Variants in CACNA1G observed in about 807,000 individuals in gnomAD.
CACNA1G encodes voltage-dependent T-type calcium channel subunit alpha-1G.
Under a neutral mutation model 219.4 loss-of-function variants are expected in CACNA1G, and 67 were observed. The ratio of observed to expected loss-of-function variants is 0.31; its 90% CI spans 0.25 to 0.37. The LOEUF is 0.37. CACNA1G is among the 10% of genes least tolerant of loss of function. The pLI, the probability that CACNA1G is intolerant of heterozygous loss-of-function variation, is 1.00. For synonymous variants in CACNA1G, 1,296 were observed against 1,345.3 expected, an observed-to-expected ratio of 0.96 and a Z score of 0.80; for missense variants, 2,380 against 3,231.4, an observed-to-expected ratio of 0.74 and a Z score of 6.39.
chr17:50,583,188 G>A (rs2042306257), intron 9 of CACNA1G, among the ~76,000 whole-genome samples: 1 of 152,218 alleles, frequency 6.6e-6, no homozygotes, highest in African/African-American at 2.4e-5. Context: ...TTGGTCTCCA[G>A]ATAGAGGAGC....
intron 20 of CACNA1G, 38 bp from the exon 21 acceptor site, chr17:50,602,977 G>A (rs375734570): frequency 6.1e-5 from 99 of 1,610,088 alleles, no homozygotes; most frequent in Admixed American, 2.8e-4. Flanking sequence ...TGGCTGCAGC[G>A]CAGGGAGGGC....
Position 50,591,992 on chromosome 17 carries a change from C to T in CACNA1G, c.2810C>T (p.Ser937Leu), listed in dbSNP as rs1250995341. The T allele has an allele frequency of 1.2e-6, 2 of 1,613,938 alleles. No individual in the cohort carries two copies. The highest frequency in any genetic ancestry group is 1.7e-6 in the Non-Finnish European group (2 of 1,179,816). ...CTCTACAATGGTATGGCCTCCACGT[C>T]GTCCTGGGCGGCCCTTTATTTCATT... ...KVLYNGMAST[S>L]SWAALYFIAL... Residue 937 changes from serine to leucine, a missense_variant, in exon 13 of 38, where the codon TCG becomes TTG. Physicochemically the swap from Ser to Leu is moderately radical, Grantham distance 145. Transcript: ENST00000359106.
chr17:50,599,939 G>T, intron 17 of CACNA1G, 80 bp downstream of exon 17: 5 of 1,382,282 alleles, frequency 3.6e-6, no homozygotes, highest in Non-Finnish European at 4.9e-6. Flanking sequence ...CAGGGTATAA[G>T]GGAGTTACCA....
chr17:50,595,573 C>T (rs2045374856), intron 14 of CACNA1G, among the ~76,000 whole-genome samples: 1 of 152,242 alleles, frequency 6.6e-6, no homozygotes, highest in Non-Finnish European at 1.5e-5. Context: ...TGGCTCTTGC[C>T]AAAATGTACC....
Position 50,624,548 on chromosome 17 carries a change from G to A in CACNA1G, c.6399+19G>A, listed in dbSNP as rs1351017075. ...GCGCCAGGTGAGCAGATGTGGAAAG[G>A]CAGGCACAGGCCTGGGGGCTGGACC... On this transcript the variant is annotated intron_variant, in intron 37 of 37. Transcript: ENST00000359106. 1 of 1,562,588 alleles carries A rather than the reference G, an allele frequency of 6.4e-7. No homozygotes were observed. Among genetic ancestry groups the A allele is most frequent in the East Asian group, 2.4e-5 (1 of 42,182 alleles).
chr17:50,590,701 A>G (rs2044110807), intron 10 of CACNA1G, 79 bp downstream of exon 10: 1 of 1,404,640 alleles, frequency 7.1e-7, no homozygotes, highest in Non-Finnish European at 9.8e-7. Context: ...CATGCCACCT[A>G]TTCCCCTGGG....
At chr17:50,615,633 G>T (rs1326030140) in intron 27 of CACNA1G, 121 bp downstream of exon 27, 3 of 1,062,704 alleles carry the variant, frequency 2.8e-6, no homozygotes, top group African/African-American at 3.2e-5. Context: ...CACACTACAT[G>T]GGTTCCTCTT....
rs201703549 is a variant in CACNA1G at position 50,565,389 on chromosome 17, G to GT, written c.243-3481_243-3480insT. 3.3e-3 allele frequency among the ~76,000 whole-genome samples: 476 copies of GT among 143,118 alleles called. 11 individuals are homozygous for GT. The highest frequency in any genetic ancestry group is 0.012 in the African/African-American group (463 of 40,028). 93.9% of individuals were successfully genotyped at this position (143,118 alleles called of 152,430 possible). On this transcript the variant is annotated intron_variant, in intron 1 of 37. Coordinates refer to ENST00000359106, the MANE Select transcript of CACNA1G (RefSeq NM_018896.5). ...GGAAATAGGCTTGTGGGGTGGGGCGGGGGGTTCTGCTGGGGGAATCCCCCT... is the reference window on the plus strand; with the variant it reads ...GGAAATAGGCTTGTGGGGTGGGGCGGTGGGGTTCTGCTGGGGGAATCCCCCT...
At chr17:50,565,553 A>G (rs2037567858) in intron 1 of CACNA1G, among the ~76,000 whole-genome samples, 1 of 152,154 alleles carries the variant, frequency 6.6e-6, no homozygotes. Context: ...CTAGAAGGCC[A>G]GGACTCCTGG....
rs1446793605 is a variant in CACNA1G, at chr17:50,618,708, G to A, written c.5481G>A (p.Ser1827=). The change falls in exon 33 of 38, where the codon TCG becomes TCA. Residue 1827 remains serine (S), a synonymous_variant. Coordinates refer to ENST00000359106, the MANE Select transcript of CACNA1G (RefSeq NM_018896.5). This position sits in a 1 kb window ranked among gnomAD's most constrained non-coding sequence, Gnocchi z 5.3. Reference sequence around the variant, plus strand: ...CCACCTGCTACAACACGGTCATCTCGCCTATCTACTTTGTGTCCTTCGTGC... The same window carrying A: ...CCACCTGCTACAACACGGTCATCTCACCTATCTACTTTGTGTCCTTCGTGC... The part of the protein sequence containing the change: ...QESTCYNTVI[S]PIYFVSFVLT... 3 of 1,613,830 alleles carry A rather than the reference G, an allele frequency of 1.9e-6. No individual in the cohort carries two copies. Among genetic ancestry groups the A allele is most frequent in the African/African-American group, 2.7e-5 (2 of 74,934 alleles).
At chr17:50,622,088 A>G (rs948753260) in intron 35 of CACNA1G, among the ~76,000 whole-genome samples, 3 of 152,136 alleles carry the variant, frequency 2.0e-5, no homozygotes, top group African/African-American at 2.4e-5. Context: ...CCCAGGAGTG[A>G]CACGGCCCAA....
At chr17:50,581,807 T>C (rs1435474938) in intron 9 of CACNA1G, among the ~76,000 whole-genome samples, 1 of 152,246 alleles carries the variant, frequency 6.6e-6, no homozygotes, top group Non-Finnish European at 1.5e-5. Flanking sequence ...GTGTGCCCCA[T>C]CCGCTCAGGG....
chr17:50,575,152 C>A (rs1247623538), intron 7 of CACNA1G, among the ~76,000 whole-genome samples: 1 of 152,216 alleles, frequency 6.6e-6, no homozygotes, highest in African/African-American at 2.4e-5. Flanking sequence ...ACAGCATTCG[C>A]TACTCCTAAT....
At chr17:50,624,338 C>T (rs2053100028) in intron 36 of CACNA1G, 22 bp from the exon 37 acceptor site, 5 of 1,468,836 alleles carry the variant, frequency 3.4e-6, no homozygotes, top group Admixed American at 1.9e-5. Context: ...CCCACCCCTC[C>T]CCCGCTTCCC....
chr17:50,571,577 G>A lies in CACNA1G; in HGVS notation c.587-301G>A, dbSNP rs757598398. Among the ~76,000 whole-genome samples the A allele has an allele frequency of 4.6e-5, 7 of 152,236 alleles. No homozygotes were observed. The highest frequency in any genetic ancestry group is 8.8e-5 in the Non-Finnish European group (6 of 68,052). ...CAGACTTCTCATCTGTGAATTGGGA[G>A]TGATATTATCCACATGTGATGATGT... On this transcript the variant is annotated intron_variant, in intron 4 of 37. Transcript: ENST00000359106. This position sits in a 1 kb window ranked among gnomAD's most constrained non-coding sequence, Gnocchi z 4.3.
chr17:50,567,694 C>A (rs1188816543), intron 1 of CACNA1G, among the ~76,000 whole-genome samples: 2 of 152,108 alleles, frequency 1.3e-5, no homozygotes, highest in Non-Finnish European at 2.9e-5. Context: ...TCTTTTCTAG[C>A]CTCTTTACTC....
rs754194986 is a variant in CACNA1G at position 50,575,853 on chromosome 17, G to A, written c.1451G>A (p.Arg484His). ...ACCCAGCCCAGCAGCAGCTGCTCTCGCTCCCACCGCCGCCTATCCGTCCAC... is the reference window on the plus strand; with the variant it reads ...ACCCAGCCCAGCAGCAGCTGCTCTCACTCCCACCGCCGCCTATCCGTCCAC... ...QETQPSSSCS[R>H]SHRRLSVHHL... is the part of the protein sequence containing the mutation. Residue 484 changes from arginine to histidine, a missense_variant, in exon 8 of 38, where the codon CGC becomes CAC. This residue lies in a region of CACNA1G where 434 missense variants were observed against 417.3 expected (regional missense o/e 1.04). Coordinates refer to ENST00000359106, the MANE Select transcript of CACNA1G (RefSeq NM_018896.5). The A allele has an allele frequency of 2.3e-5, 35 of 1,549,204 alleles. No homozygotes were observed. Among genetic ancestry groups the A allele is most frequent in the Non-Finnish European group, 2.1e-5 (24 of 1,147,408 alleles).
chr17:50,597,027 A>C (rs1412550462), intron 16 of CACNA1G, 104 bp downstream of exon 16: 1 of 1,061,988 alleles, frequency 9.4e-7, no homozygotes, highest in East Asian at 2.6e-5. Context: ...CCCCTGCCCC[A>C]TGGGCTGGAT....
rs376071219 is a variant in CACNA1G at position 50,601,171 on chromosome 17, C to T, written c.3912C>T (p.Ser1304=). The part of the protein sequence containing the change: ...AMERPKIDPH[S]AERIFLTLSN... The stretch of plus-strand genomic sequence containing the variant: ...AGCGCCCCAAAATTGACCCCCACAG[C>T]GCTGTGAGTCACCAGCCCCGCTCAG... The change falls in exon 19 of 38, where the codon AGC becomes AGT. Residue 1304 remains serine (S), a synonymous_variant. Coordinates refer to ENST00000359106, the MANE Select transcript of CACNA1G (RefSeq NM_018896.5). 64 of 1,613,604 alleles carry T rather than the reference C, an allele frequency of 4.0e-5. No homozygotes were observed. The African/African-American group carries it at 4.5e-4, about 11-fold the overall frequency.
Sources: gnomAD v4.1 joint callset for allele counts (sites outside exome capture counted in the v4.1 genomes callset) on GRCh38, gnomAD v4.1.1 for gene constraint, gnomAD v4.1.1 regional missense constraint, Gnocchi (gnomAD v3.1) non-coding constraint, MANE v1.5 for transcripts, NCBI Gene and HGNC (gene_info 2026-07-23, HGNC 2026-07-21) for gene names.